Variants in MALRD1 observed in about 807,000 individuals in gnomAD.
MALRD1 encodes the protein MAM and LDL receptor class A domain containing 1, also known as MAM and LDL-receptor class A domain-containing protein 1.
In MALRD1, 247 loss-of-function variants were observed where a neutral mutation model predicts 242.1. That is an observed-to-expected ratio of 1.02 (90% CI 0.92 to 1.13). The LOEUF (loss-of-function observed/expected upper bound fraction) is 1.13. Among genes scored for constraint, MALRD1 ranks in the 50% most tolerant of loss-of-function variants. The probability of loss-of-function intolerance (pLI) is 0.00; values close to 1 mark genes in which losing one functional copy is unlikely to be tolerated. For synonymous variants in MALRD1, 995 were observed against 866.6 expected (o/e 1.15, Z -2.60); for missense variants, 2,989 against 2,533.1 (o/e 1.18, Z -3.86).
In MALRD1 at chr10:19,387,651, CT is replaced by C; in HGVS notation, c.4569del (p.Phe1523LeufsTer20). ...GAAAATGAGTGTGGTAGCTCCTGTA[CT>C]TTTGAAAAAGGCTGGTGTGGCTGGC... ...TDENECGSSC[T>X]FEKGWCGWQN... On this transcript the variant is annotated frameshift_variant, in exon 27 of 40. Transcript: ENST00000454679. LOFTEE classifies it high-confidence loss of function. 4 of 1,550,326 alleles carry C rather than the reference CT, an allele frequency of 2.6e-6. No homozygotes were observed. The highest frequency in any genetic ancestry group is 3.5e-6 in the Non-Finnish European group (4 of 1,146,882).
intron 19 of MALRD1, among the ~76,000 whole-genome samples, chr10:19,279,787 C>G (rs1840713412): frequency 6.6e-6 from 1 of 152,306 alleles, no homozygotes; most frequent in East Asian, 1.9e-4. Context: ...TTGGGCCTCC[C>G]ATTGATTTGG....
Position 19,108,387 on chromosome 10 carries a change from C to CTTTTTTT in MALRD1, c.694+4344_694+4350dup, listed in dbSNP as rs35948766. On this transcript the variant is annotated intron_variant, in intron 5 of 39. Transcript: ENST00000454679. Reference sequence around the variant, plus strand: ...TTATTGAGCTCATGAATTGTTTTTTCTTTTTTTTTTTTTTTTTTTTTTTTT... The same window carrying CTTTTTTT: ...TTATTGAGCTCATGAATTGTTTTTTCTTTTTTTTTTTTTTTTTTTTTTTTTTTTTTTT... 1.9e-3 allele frequency among the ~76,000 whole-genome samples: 37 copies of CTTTTTTT among 19,762 alleles called. 18 individuals carry two copies. The highest frequency in any genetic ancestry group is 5.2e-3 in the South Asian group (2 of 386). The allele number at this position is 19,762 out of a possible 152,430, so 13.0% of individuals were successfully genotyped here.
At chr10:19,062,327 G>A (rs778383921) in intron 1 of MALRD1, among the ~76,000 whole-genome samples, 18 of 152,294 alleles carry the variant, frequency 1.2e-4, no homozygotes, top group Non-Finnish European at 2.2e-4. Flanking sequence ...TGCTTTTCTG[G>A]TGGGAATGTA....
intron 26 of MALRD1, among the ~76,000 whole-genome samples, chr10:19,372,143 G>A (rs1845407176): frequency 6.6e-6 from 1 of 152,010 alleles, no homozygotes; most frequent in South Asian, 2.1e-4. Flanking sequence ...AGTTGTATGA[G>A]AACTTAAATA....
At chr10:19,453,021 C>T (rs1835413805) in intron 29 of MALRD1, among the ~76,000 whole-genome samples, 1 of 152,098 alleles carries the variant, frequency 6.6e-6, no homozygotes, top group Non-Finnish European at 1.5e-5. Context: ...ATGTGAAGTT[C>T]TTTGAACAGT....
At chr10:19,685,881 A>G (rs1279504703) in intron 36 of MALRD1, among the ~76,000 whole-genome samples, 1 of 152,186 alleles carries the variant, frequency 6.6e-6, no homozygotes, top group Non-Finnish European at 1.5e-5. Flanking sequence ...AATCTCATGG[A>G]TTAGCAATGC....
intron 36 of MALRD1, among the ~76,000 whole-genome samples, chr10:19,655,927 G>A (rs1243742385): frequency 1.3e-5 from 2 of 152,094 alleles, no homozygotes; most frequent in African/African-American, 2.4e-5. Context: ...GTCTCAGTTG[G>A]TACCTGGCTC....
rs570377118 is a variant in MALRD1, at chr10:19,290,022, T to G, written c.3419+6841T>G. Among the ~76,000 whole-genome samples, 10 of 152,290 alleles carry G rather than the reference T, an allele frequency of 6.6e-5. No individual in the cohort carries two copies. In the South Asian group the frequency reaches 2.1e-3, roughly 32 times the overall value. ...ATATTCTCTCGCTTTATGCACTTAA[T>G]GAAACAATAAAAAGTCTAAAGAAGC... On this transcript the variant is annotated intron_variant, in intron 21 of 39. Transcript: ENST00000454679.
intron 4 of MALRD1, among the ~76,000 whole-genome samples, chr10:19,103,151 G>A (rs756809301): frequency 6.6e-6 from 1 of 151,822 alleles, no homozygotes; most frequent in Non-Finnish European, 1.5e-5. Flanking sequence ...GACAGGCCAC[G>A]TTCAGTCATT....
chr10:19,309,762 T>C lies in MALRD1; in HGVS notation c.3420-14187T>C, dbSNP rs901916683. ...TGGTGTTAAGTAACCTGTGACAGAA[T>C]GGTAGGCTCCATGGGGAAAAATGAG... On this transcript the variant is annotated intron_variant, in intron 21 of 39. Coordinates refer to ENST00000454679, the MANE Select transcript of MALRD1 (RefSeq NM_001142308.3). Among the ~76,000 whole-genome samples, 33 of 151,494 alleles carry C rather than the reference T, an allele frequency of 2.2e-4. 1 individual carries two copies. Among genetic ancestry groups the C allele is most frequent in the Admixed American group, 1.3e-3 (20 of 15,136 alleles).
Position 19,615,840 on chromosome 10 carries a change from G to A in MALRD1, c.6071-17G>A. 6.6e-7 allele frequency: 1 copy of A among 1,518,622 alleles called. No individual in the cohort carries two copies. The highest frequency in any genetic ancestry group is 8.8e-7 in the Non-Finnish European group (1 of 1,134,608). 94.1% of individuals were successfully genotyped at this position (1,518,622 alleles called of 1,614,324 possible). On this transcript the variant is annotated splice_polypyrimidine_tract_variant and intron_variant, in intron 35 of 39. Coordinates refer to ENST00000454679, the MANE Select transcript of MALRD1 (RefSeq NM_001142308.3). ...CTATTTATAATTAACTGGTGTCTTT[G>A]TGATGCTTCTTTTTAGAATGTCCAT...
intron 28 of MALRD1, among the ~76,000 whole-genome samples, chr10:19,419,467 T>A (rs1213915263): frequency 3.3e-5 from 5 of 151,966 alleles, no homozygotes; most frequent in Non-Finnish European, 7.4e-5. Context: ...GCAAATTTAA[T>A]TTTTTTGTTG....
intron 36 of MALRD1, among the ~76,000 whole-genome samples, chr10:19,661,208 A>C (rs1013339777): frequency 6.6e-6 from 1 of 152,238 alleles, no homozygotes; most frequent in African/African-American, 2.4e-5. Context: ...TAGTTCAACC[A>C]TTGTGGAAGT....
At chr10:19,596,591 T>C (rs1838110935) in intron 34 of MALRD1, among the ~76,000 whole-genome samples, 1 of 151,282 alleles carries the variant, frequency 6.6e-6, no homozygotes, top group Non-Finnish European at 1.5e-5. Flanking sequence ...AATAACCAGG[T>C]GTGGTGGTGC....
At chr10:19,329,418 C>CA (rs1377668166) in intron 23 of MALRD1, among the ~76,000 whole-genome samples, 1 of 90,370 alleles carries the variant, frequency 1.1e-5, no homozygotes, top group Non-Finnish European at 2.3e-5. Flanking sequence ...TGGGACCCCC[C>CA]CCCAATTTAA....
chr10:19,609,710 C>G lies in MALRD1; in HGVS notation c.6070+1808C>G, dbSNP rs141296051. On this transcript the variant is annotated intron_variant, in intron 35 of 39. Transcript: ENST00000454679. ...TTATATTATGCAAGTATATTATTTT[C>G]AAGTTTTTGTTGCTTTGCAACCAGA... is the stretch of plus-strand genomic sequence containing the variant. 1.9e-4 allele frequency among the ~76,000 whole-genome samples: 29 copies of G among 152,144 alleles called. 2 individuals are homozygous for G. In the East Asian group the frequency reaches 5.6e-3, roughly 30 times the overall value.
chr10:19,689,171 A>C (rs1842720629), intron 36 of MALRD1, among the ~76,000 whole-genome samples: 2 of 152,216 alleles, frequency 1.3e-5, no homozygotes, highest in Admixed American at 1.3e-4. Context: ...ATCTAGGTGC[A>C]GAGGGAAGAA....
At chr10:19,626,088 G>A (rs768612379) in intron 36 of MALRD1, among the ~76,000 whole-genome samples, 13 of 151,944 alleles carry the variant, frequency 8.6e-5, no homozygotes, top group Non-Finnish European at 1.8e-4. Flanking sequence ...ATGCAGGGTG[G>A]TGCATTATTT....
At position 19,054,309 on chromosome 10, in the gene MALRD1, A is replaced by G. The variant is rs77253616; in HGVS notation, c.199+5172A>G. The stretch of plus-strand genomic sequence containing the variant: ...ATTATGGGGTACACAGTCATAATAT[A>G]AGTATATAATGTGGAATGATTAAAT... On this transcript the variant is annotated intron_variant, in intron 1 of 39. Coordinates refer to ENST00000454679, the MANE Select transcript of MALRD1 (RefSeq NM_001142308.3). Among the ~76,000 whole-genome samples, 1,516 of 152,270 alleles carry G rather than the reference A, an allele frequency of 1.0e-2. 15 individuals carry two copies. The highest frequency in any genetic ancestry group is 0.053 in the South Asian group (254 of 4,822).
Sources: allele counts gnomAD v4.1 joint callset (sites outside exome capture counted in the v4.1 genomes callset), GRCh38; gene constraint gnomAD v4.1.1; transcripts MANE v1.5; gene names NCBI Gene and HGNC (gene_info 2026-07-23, HGNC 2026-07-21).